The following CAPN7 variants were observed in gnomAD, a reference collection of about 807,000 sequenced individuals.
CAPN7 encodes calpain 7, also known as calpain-7.
A neutral mutation model predicts 115.2 loss-of-function variants in CAPN7; 72 were observed. The ratio of observed to expected loss-of-function variants is 0.63; its 90% CI spans 0.52 to 0.76. CAPN7 has a LOEUF of 0.76. CAPN7 is among the 30% of genes least tolerant of loss of function. CAPN7 has a pLI of 0.00. For synonymous variants in CAPN7, 344 were observed against 322.3 expected (o/e 1.07, Z -0.72); for missense variants, 905 against 971.5 (o/e 0.93, Z 0.91).
intron 8 of CAPN7, among the ~76,000 whole-genome samples, chr3:15,229,837 G>C (rs1694579471): frequency 6.6e-6 from 1 of 152,008 alleles, no homozygotes; most frequent in South Asian, 2.1e-4. Flanking sequence ...GTTTTTAAAA[G>C]ATACATTAGC....
intron 14 of CAPN7, 144 bp from the exon 15 acceptor site, chr3:15,241,309 G>C: frequency 1.5e-6 from 1 of 673,980 alleles, no homozygotes; most frequent in Non-Finnish European, 2.5e-6. Context: ...TTCTTTCCAT[G>C]CTTCCTAGTT....
At chr3:15,243,208 A>G (rs1332748277) in intron 16 of CAPN7, among the ~76,000 whole-genome samples, 1 of 152,210 alleles carries the variant, frequency 6.6e-6, no homozygotes, top group Non-Finnish European at 1.5e-5. Context: ...TATTTTTGGG[A>G]CAGAGAACAG....
intron 5 of CAPN7, among the ~76,000 whole-genome samples, chr3:15,221,301 T>C (rs552493018): frequency 6.7e-6 from 1 of 150,302 alleles, no homozygotes; most frequent in Non-Finnish European, 1.5e-5. Flanking sequence ...TGCCTCAGCC[T>C]CCCAAGTAGC....
chr3:15,222,298 G>A (rs769967590), intron 5 of CAPN7, among the ~76,000 whole-genome samples: 2 of 152,162 alleles, frequency 1.3e-5, no homozygotes, highest in Non-Finnish European at 2.9e-5. Flanking sequence ...AAAATGAAAT[G>A]TGAAACACAA....
chr3:15,235,033 A>G lies in CAPN7; in HGVS notation c.1295A>G (p.Lys432Arg). Residue 432 changes from lysine (K) to arginine (R), a missense_variant, in exon 12 of 21, where the codon AAA (lysine) becomes AGA (arginine). Physicochemically the swap from Lys to Arg is conservative, Grantham distance 26. Transcript: ENST00000253693. ...TTTGGGGTTCATTCCAGATTTCACA[A>G]AGGAGATGTCCTCATCACTGCGTCA... ...SFRMLYQRFHKGDVLITASTG... is the reference protein window; with the variant it reads ...SFRMLYQRFHRGDVLITASTG... The G allele has an allele frequency of 2.5e-6, 4 of 1,606,404 alleles. No individual in the cohort carries two copies. The highest frequency in any genetic ancestry group is 1.7e-4 in the Middle Eastern group (1 of 6,016).
chr3:15,238,031 G>A (rs1575224552), intron 12 of CAPN7, among the ~76,000 whole-genome samples: 1 of 151,334 alleles, frequency 6.6e-6, no homozygotes, highest in East Asian at 1.9e-4. Context: ...ATATATTCAA[G>A]GAGTTTCCTA....
chr3:15,231,436 A>C (rs1694680330), intron 9 of CAPN7, among the ~76,000 whole-genome samples: 1 of 152,188 alleles, frequency 6.6e-6, no homozygotes, highest in Admixed American at 6.5e-5. Flanking sequence ...ACTGAACTAT[A>C]ATTCTTGACC....
intron 2 of CAPN7, 88 bp downstream of exon 2, chr3:15,212,300 T>C (rs955080030): frequency 1.2e-5 from 8 of 688,040 alleles, no homozygotes; most frequent in Non-Finnish European, 1.9e-5. Context: ...TTCTTCATTT[T>C]TATCTTTGAA....
intron 1 of CAPN7, among the ~76,000 whole-genome samples, chr3:15,208,386 C>G (rs1488159521): frequency 6.6e-6 from 1 of 151,340 alleles, no homozygotes; most frequent in Admixed American, 6.6e-5. Context: ...CTGCAAAGCT[C>G]AAGCAATCCT....
At chr3:15,215,686 T>C (rs2045211140) in intron 2 of CAPN7, among the ~76,000 whole-genome samples, 1 of 152,262 alleles carries the variant, frequency 6.6e-6, no homozygotes, top group Non-Finnish European at 1.5e-5. Context: ...TTTTTATGGC[T>C]GAGTAATATT....
In CAPN7 at chr3:15,241,438, G is replaced by A. The variant is rs1341732589; in HGVS notation, c.1653-15G>A. On this transcript the variant is annotated splice_polypyrimidine_tract_variant and intron_variant, in intron 14 of 20. Transcript: ENST00000253693. Reference sequence around the variant, plus strand: ...AAATTTAATTACAACCTTCTTTGTTGACTTTATCTTTTAGTACTTGGGATG... The same window carrying A: ...AAATTTAATTACAACCTTCTTTGTTAACTTTATCTTTTAGTACTTGGGATG... 3.7e-6 allele frequency: 6 copies of A among 1,609,828 alleles called. No individual in the cohort carries two copies. In the Admixed American group the frequency reaches 1.0e-4, roughly 27 times the overall value.
chr3:15,209,174 C>G (rs1221017410), intron 1 of CAPN7, among the ~76,000 whole-genome samples: 2 of 152,034 alleles, frequency 1.3e-5, no homozygotes, highest in Non-Finnish European at 2.9e-5. Context: ...CCACCCCCGG[C>G]TAATTTTGTA....
chr3:15,207,618 T>C (rs996379307), intron 1 of CAPN7, among the ~76,000 whole-genome samples: 1 of 151,928 alleles, frequency 6.6e-6, no homozygotes, highest in African/African-American at 2.4e-5. Context: ...CTTTATATCT[T>C]TATTTGGTAA....
intron 10 of CAPN7, among the ~76,000 whole-genome samples, chr3:15,233,640 G>GT (rs773557898): frequency 2.0e-5 from 3 of 152,134 alleles, no homozygotes; most frequent in Admixed American, 6.5e-5. Context: ...GTAAAAAATA[G>GT]TTTTTTATTC....
At chr3:15,211,028 C>A in intron 1 of CAPN7, 1 of 746,814 alleles carries the variant, frequency 1.3e-6, no homozygotes, top group Non-Finnish European at 1.7e-6. Context: ...CTAGCCATAG[C>A]ATAACTGGTC....
Position 15,251,273 on chromosome 3 carries a change from A to G in CAPN7, c.*13A>G. 6.4e-7 allele frequency: 1 copy of G among 1,553,184 alleles called. No homozygotes were observed. The highest frequency in any genetic ancestry group is 8.7e-7 in the Non-Finnish European group (1 of 1,147,138). On this transcript the variant is annotated 3_prime_UTR_variant, in exon 21 of 21. Transcript: ENST00000253693. The stretch of plus-strand genomic sequence containing the variant: ...ACAACTTCAGTGATGGAGAAATCTC[A>G]AGTTACTGGCTTTTATACTTACCAA...
Position 15,240,861 on chromosome 3 carries a change from T to C in CAPN7, c.1652+8T>C. 6.5e-7 allele frequency: 1 copy of C among 1,527,914 alleles called. No individual in the cohort carries two copies. Among genetic ancestry groups the C allele is most frequent in the South Asian group, 1.1e-5 (1 of 88,342 alleles). 94.6% of individuals were successfully genotyped at this position (1,527,914 alleles called of 1,614,324 possible). A position where few individuals can be genotyped will look rare whatever the true frequency, so the allele number is the denominator to read the frequency against. ...ATCAACATGTATTCACAGGTAACTTTTTGCACATTGCAGAGTATGCTTTAT... is the reference window on the plus strand; with the variant it reads ...ATCAACATGTATTCACAGGTAACTTCTTGCACATTGCAGAGTATGCTTTAT... On this transcript the variant is annotated splice_region_variant and intron_variant, in intron 14 of 20. Coordinates refer to ENST00000253693, the MANE Select transcript of CAPN7 (RefSeq NM_014296.3).
At chr3:15,220,504 G>A (rs1469574267) in intron 4 of CAPN7, among the ~76,000 whole-genome samples, 3 of 152,132 alleles carry the variant, frequency 2.0e-5, no homozygotes, top group Non-Finnish European at 4.4e-5. Context: ...TTAAGGGTAG[G>A]GATTGTTTTA....
intron 2 of CAPN7, 35 bp from the exon 3 acceptor site, chr3:15,217,389 TA>T (rs1693694072): frequency 6.6e-7 from 1 of 1,508,622 alleles, no homozygotes; most frequent in African/African-American, 1.4e-5. Context: ...TGTATTTAGA[TA>T]ATACTCCTTC....
Sources: gnomAD v4.1 joint callset for allele counts (sites outside exome capture counted in the v4.1 genomes callset) on GRCh38, gnomAD v4.1.1 for gene constraint, MANE v1.5 for transcripts, NCBI Gene and HGNC (gene_info 2026-07-23, HGNC 2026-07-21) for gene names.